The following IDE variants were observed in gnomAD, a reference collection of about 807,000 sequenced individuals.
The protein encoded by IDE is insulin degrading enzyme, also known as insulin-degrading enzyme.
A neutral mutation model predicts 133.2 loss-of-function variants in IDE; 58 were observed. The observed-to-expected ratio is 0.44, with a 90% confidence interval of 0.35 to 0.54. The LOEUF is 0.54. Among genes scored for constraint, IDE ranks in the 20% least tolerant of loss-of-function variants. IDE has a pLI of 0.00. For synonymous variants in IDE, 396 were observed against 421.3 expected, an observed-to-expected ratio of 0.94 and a Z score of 0.73; for missense variants, 981 against 1,234.0, an observed-to-expected ratio of 0.79 and a Z score of 3.07.
chr10:92,461,382 T>C, intron 21 of IDE, 130 bp from the exon 22 acceptor site: 1 of 490,060 alleles, frequency 2.0e-6, no homozygotes, highest in South Asian at 2.4e-5. Flanking sequence ...TGAGACAGAG[T>C]TTCACTCTGT....
chr10:92,567,982 A>G (rs1843630989), intron 1 of IDE, among the ~76,000 whole-genome samples: 1 of 152,082 alleles, frequency 6.6e-6, no homozygotes, highest in Non-Finnish European at 1.5e-5. Context: ...AAAATAAAAT[A>G]TTTTCTCAAC....
At chr10:92,533,916 G>A (rs1241015559) in intron 3 of IDE, among the ~76,000 whole-genome samples, 2 of 151,970 alleles carry the variant, frequency 1.3e-5, no homozygotes, top group East Asian at 1.9e-4. Context: ...CCAATTACTC[G>A]GGAGGCTGAG....
At chr10:92,461,426 C>T (rs1385203036) in intron 21 of IDE, among the ~76,000 whole-genome samples, 174 bp from the exon 22 acceptor site, 1 of 152,098 alleles carries the variant, frequency 6.6e-6, no homozygotes, top group African/African-American at 2.4e-5. Context: ...TCGATCTCGG[C>T]TCACTGCAAC....
At chr10:92,528,978 G>A (rs908400430) in intron 4 of IDE, among the ~76,000 whole-genome samples, 2 of 152,106 alleles carry the variant, frequency 1.3e-5, no homozygotes, top group Non-Finnish European at 2.9e-5. Flanking sequence ...TCAGAAGGCT[G>A]AGGCAGGAGA....
chr10:92,539,740 G>A (rs944220549), intron 1 of IDE, among the ~76,000 whole-genome samples: 4 of 151,960 alleles, frequency 2.6e-5, no homozygotes, highest in African/African-American at 9.7e-5. Flanking sequence ...CTCCAGCCTG[G>A]CGACAGAGTG....
chr10:92,553,299 C>T (rs2135769465), intron 1 of IDE, among the ~76,000 whole-genome samples: 1 of 151,924 alleles, frequency 6.6e-6, no homozygotes, highest in South Asian at 2.1e-4. Context: ...TGGCACACGC[C>T]TGTAGTCCCA....
chr10:92,545,194 C>T (rs559072718), intron 1 of IDE, among the ~76,000 whole-genome samples: 15 of 152,224 alleles, frequency 9.9e-5, no homozygotes, highest in Middle Eastern at 6.8e-3. Context: ...CCCCCACCAA[C>T]ACGATGCCAC....
chr10:92,468,892 A>C lies in IDE; in HGVS notation c.2307T>G (p.Val769=). The C allele has an allele frequency of 6.3e-7, 1 of 1,594,328 alleles. No homozygotes were observed. Among genetic ancestry groups the C allele is most frequent in the Non-Finnish European group, 8.6e-7 (1 of 1,161,930 alleles). The change falls in exon 19 of 25, where the codon GTT becomes GTG. Residue 769 remains valine (V), a synonymous_variant. Transcript: ENST00000265986. ...LPSQLVRYRE[V]QLPDRGWFVY... is the part of the protein sequence containing the mutation. ...ATCTCTACTTACTGTCAGGGAGCTG[A>C]ACTTCTCTATACCGAACCAGCTGAC...
intron 19 of IDE, among the ~76,000 whole-genome samples, chr10:92,467,355 G>A (rs1457242098): frequency 1.3e-5 from 2 of 152,180 alleles, no homozygotes; most frequent in Admixed American, 6.5e-5. Flanking sequence ...TTATAGGAAT[G>A]AGCCACCACC....
intron 14 of IDE, among the ~76,000 whole-genome samples, chr10:92,482,331 AAC>A (rs1846661598): frequency 1.3e-5 from 2 of 152,252 alleles, no homozygotes; most frequent in South Asian, 2.1e-4. Context: ...ACAGGTGATT[AAC>A]ACACAAATAA....
chr10:92,495,375 C>A (rs892017306), intron 11 of IDE, among the ~76,000 whole-genome samples: 1 of 152,124 alleles, frequency 6.6e-6, no homozygotes, highest in Non-Finnish European at 1.5e-5. Flanking sequence ...CACACGCCAC[C>A]ATGCCTGGCT....
At chr10:92,560,238 T>C (rs1833798613) in intron 1 of IDE, among the ~76,000 whole-genome samples, 1 of 152,216 alleles carries the variant, frequency 6.6e-6, no homozygotes, top group South Asian at 2.1e-4. Flanking sequence ...TTTAACCGTG[T>C]ATCTGACTGG....
chr10:92,473,456 G>A (rs1846084420), intron 17 of IDE, among the ~76,000 whole-genome samples: 1 of 150,956 alleles, frequency 6.6e-6, no homozygotes, highest in Non-Finnish European at 1.5e-5. Flanking sequence ...CTAAGTAAAG[G>A]GGTATGGAAG....
At chr10:92,495,167 G>A (rs1276044309) in intron 11 of IDE, among the ~76,000 whole-genome samples, 2 of 147,732 alleles carry the variant, frequency 1.4e-5, no homozygotes, top group African/African-American at 2.5e-5. Flanking sequence ...GAGTTCAAGC[G>A]ATTCTCCTGC....
rs747523770 is a variant in IDE, at chr10:92,537,401, G to A, written c.248C>T (p.Thr83Met). The A allele has an allele frequency of 1.9e-5, 30 of 1,611,812 alleles. 1 individual carries two copies. Among genetic ancestry groups the A allele is most frequent in the South Asian group, 3.3e-5 (3 of 90,206 alleles). The part of the protein sequence containing the change: ...IKVLLISDPT[T>M]DKSSAALDVH... ...ATCAAGTGCTGCTGATGACTTATCC[G>A]TGGTGGGATCACTGATAAGAAGTAC... Residue 83 changes from threonine to methionine, a missense_variant, in exon 2 of 25, where the codon ACG (threonine) becomes ATG (methionine). Physicochemically the swap from Thr to Met is moderately conservative, Grantham distance 81 (BLOSUM62 -1). This residue lies in a region of IDE where 321 missense variants were observed against 339.3 expected (regional missense o/e 0.95). Coordinates refer to ENST00000265986, the MANE Select transcript of IDE (RefSeq NM_004969.4).
chr10:92,497,139 AT>A (rs1239220244), intron 11 of IDE, among the ~76,000 whole-genome samples: 1 of 152,220 alleles, frequency 6.6e-6, no homozygotes, highest in East Asian at 1.9e-4. Flanking sequence ...AATAAATGGA[AT>A]TATTTATGAC....
chr10:92,507,055 C>T (rs995649781), intron 9 of IDE, among the ~76,000 whole-genome samples: 3 of 151,892 alleles, frequency 2.0e-5, no homozygotes, highest in African/African-American at 7.3e-5. Flanking sequence ...TTTTAAAAAC[C>T]CTTTTTTAAA....
intron 5 of IDE, among the ~76,000 whole-genome samples, chr10:92,510,753 A>G (rs1030701132): frequency 1.4e-5 from 2 of 143,814 alleles, no homozygotes; most frequent in Admixed American, 7.3e-5. Context: ...TAGCACATAC[A>G]TCTCACATAT....
chr10:92,526,845 C>CA (rs1165598095), intron 4 of IDE, among the ~76,000 whole-genome samples: 3,758 of 52,714 alleles, frequency 0.071, 196 homozygotes, highest in African/African-American at 0.18. Flanking sequence ...GGCCCTGTCT[C>CA]AAAAAAAAAA....
Sources: allele counts gnomAD v4.1 joint callset (sites outside exome capture counted in the v4.1 genomes callset), GRCh38; gene constraint gnomAD v4.1.1; regional missense constraint gnomAD v4.1.1; transcripts MANE v1.5; gene names NCBI Gene and HGNC (gene_info 2026-07-23, HGNC 2026-07-21).